Variants in GABBR2 observed in about 807,000 individuals in gnomAD.
The protein encoded by GABBR2 is G-protein coupled receptor 51.
Under a neutral mutation model 105.6 loss-of-function variants are expected in GABBR2, and 23 were observed. The ratio of observed to expected loss-of-function variants is 0.22; its 90% CI spans 0.16 to 0.31. The LOEUF is 0.31. Among genes scored for constraint, GABBR2 ranks in the 10% least tolerant of loss-of-function variants. The probability of loss-of-function intolerance (pLI) is 1.00; values close to 1 mark genes in which losing one functional copy is unlikely to be tolerated. For synonymous variants in GABBR2, 478 were observed against 499.7 expected (o/e 0.96, Z 0.58); for missense variants, 734 against 1,245.5 (o/e 0.59, Z 6.18).
intron 1 of GABBR2, among the ~76,000 whole-genome samples, chr9:98,650,108 C>T (rs1055230890): frequency 1.3e-5 from 2 of 152,148 alleles, no homozygotes; most frequent in African/African-American, 4.8e-5. Flanking sequence ...CCTCTTTTAA[C>T]TAGAATTTCT....
intron 13 of GABBR2, among the ~76,000 whole-genome samples, chr9:98,319,316 A>G (rs1027283625): frequency 3.9e-5 from 6 of 152,102 alleles, no homozygotes; most frequent in African/African-American, 1.2e-4. Flanking sequence ...GCTGGGAGGA[A>G]CCTTCCAGAT....
At chr9:98,476,037 C>T (rs754097036) in intron 5 of GABBR2, among the ~76,000 whole-genome samples, 2 of 152,200 alleles carry the variant, frequency 1.3e-5, no homozygotes, top group Non-Finnish European at 2.9e-5. Flanking sequence ...GTACTCCAGC[C>T]TGAGTGACAG....
At chr9:98,621,075 C>T (rs779784269) in intron 1 of GABBR2, among the ~76,000 whole-genome samples, 22 of 152,194 alleles carry the variant, frequency 1.4e-4, no homozygotes, top group African/African-American at 2.9e-4. Flanking sequence ...CTCTTATCTG[C>T]GCAGCAATTA....
intron 1 of GABBR2, among the ~76,000 whole-genome samples, chr9:98,644,829 C>T (rs768772809): frequency 4.0e-4 from 61 of 152,100 alleles, no homozygotes; most frequent in Non-Finnish European, 6.2e-4. Flanking sequence ...AAGACACTAT[C>T]TCAAAAATGA....
intron 3 of GABBR2, among the ~76,000 whole-genome samples, chr9:98,506,905 C>T (rs746026457): frequency 1.7e-4 from 26 of 152,168 alleles, no homozygotes; most frequent in Non-Finnish European, 3.1e-4. Flanking sequence ...TATCACTGCA[C>T]TATGAAAGTC....
At chr9:98,292,841 G>A (rs551490653) in intron 18 of GABBR2, among the ~76,000 whole-genome samples, 35 of 152,334 alleles carry the variant, frequency 2.3e-4, no homozygotes, top group African/African-American at 8.4e-4. Context: ...TTCACTGGCA[G>A]AACCTGTGTT....
intron 5 of GABBR2, among the ~76,000 whole-genome samples, chr9:98,476,193 C>G (rs565384400): frequency 6.6e-6 from 1 of 152,338 alleles, no homozygotes; most frequent in East Asian, 1.9e-4. Flanking sequence ...AGAGGCAGCA[C>G]TGAGCAGGAA....
At chr9:98,576,666 G>C (rs1828911763) in intron 2 of GABBR2, among the ~76,000 whole-genome samples, 1 of 152,162 alleles carries the variant, frequency 6.6e-6, no homozygotes, top group African/African-American at 2.4e-5. Context: ...GCATAGAGTG[G>C]ATTTAAAAAT....
intron 1 of GABBR2, among the ~76,000 whole-genome samples, chr9:98,611,798 C>G (rs1188855470): frequency 6.6e-6 from 1 of 152,250 alleles, no homozygotes; most frequent in Non-Finnish European, 1.5e-5. Flanking sequence ...GTCTGCCTCA[C>G]TAGACCTCAC....
At chr9:98,484,078 AC>A (rs1483315571) in intron 4 of GABBR2, among the ~76,000 whole-genome samples, 1 of 151,810 alleles carries the variant, frequency 6.6e-6, no homozygotes, top group Non-Finnish European at 1.5e-5. Context: ...TATCTGACCA[AC>A]CCCATGGTCT....
chr9:98,352,403 A>G (rs1177549386), intron 13 of GABBR2, among the ~76,000 whole-genome samples: 1 of 152,072 alleles, frequency 6.6e-6, no homozygotes, highest in Non-Finnish European at 1.5e-5. Context: ...GCCACCAGGT[A>G]GTGATAATGG....
At chr9:98,307,356 G>A (rs1304099611) in intron 14 of GABBR2, among the ~76,000 whole-genome samples, 1 of 152,176 alleles carries the variant, frequency 6.6e-6, no homozygotes, top group African/African-American at 2.4e-5. Flanking sequence ...TCAGGTGGGT[G>A]TAGGGCAGAA....
At chr9:98,698,218 G>GA (rs201853789) in intron 1 of GABBR2, among the ~76,000 whole-genome samples, 3,525 of 152,294 alleles carry the variant, frequency 0.023, 70 homozygotes, top group Non-Finnish European at 0.034. Context: ...AATGGCAGGA[G>GA]AAGGGGGTCT....
chr9:98,601,550 A>G (rs1382154495), intron 1 of GABBR2, among the ~76,000 whole-genome samples: 2 of 152,220 alleles, frequency 1.3e-5, no homozygotes, highest in African/African-American at 2.4e-5. Context: ...AAATAAATAA[A>G]TCAATAAACA....
At chr9:98,448,358 G>T (rs1288567326) in intron 7 of GABBR2, among the ~76,000 whole-genome samples, 1 of 152,162 alleles carries the variant, frequency 6.6e-6, no homozygotes, top group Non-Finnish European at 1.5e-5. Context: ...CAAACCCAGT[G>T]TACATGCCCT....
At chr9:98,465,778 T>C (rs1460133462) in intron 6 of GABBR2, among the ~76,000 whole-genome samples, 1 of 152,212 alleles carries the variant, frequency 6.6e-6, no homozygotes, top group African/African-American at 2.4e-5. Flanking sequence ...ATGAGAAAAC[T>C]GTGGCAAAGA....
intron 13 of GABBR2, among the ~76,000 whole-genome samples, chr9:98,345,331 T>G (rs930279445): frequency 6.6e-6 from 1 of 152,158 alleles, no homozygotes; most frequent in African/African-American, 2.4e-5. Context: ...AAGTTTAAAC[T>G]CCTCTTCTTA....
intron 1 of GABBR2, among the ~76,000 whole-genome samples, chr9:98,684,385 T>C (rs1258527163): frequency 6.6e-6 from 1 of 152,156 alleles, no homozygotes; most frequent in African/African-American, 2.4e-5. Context: ...ACTTCTATAA[T>C]AAGATAAAAA....
At chr9:98,457,981 T>C (rs769059855) in intron 6 of GABBR2, among the ~76,000 whole-genome samples, 1 of 152,256 alleles carries the variant, frequency 6.6e-6, no homozygotes, top group Non-Finnish European at 1.5e-5. Context: ...AAATAACTTA[T>C]GCAGATAGTC....
Sources: allele counts gnomAD v4.1 joint callset (sites outside exome capture counted in the v4.1 genomes callset), GRCh38; gene constraint gnomAD v4.1.1; transcripts MANE v1.5; gene names NCBI Gene and HGNC (gene_info 2026-07-23, HGNC 2026-07-21).